The following NLRP12 variants were observed in gnomAD, a reference collection of about 807,000 sequenced individuals.
The protein encoded by NLRP12 is NLR family pyrin domain containing 12.
A neutral mutation model predicts 91.2 loss-of-function variants in NLRP12; 108 were observed. That is an observed-to-expected ratio of 1.18 (90% CI 1.01 to 1.39). The LOEUF (loss-of-function observed/expected upper bound fraction) is 1.39, where lower values mean the gene tolerates loss of function less well. NLRP12 is among the 40% of genes most tolerant of loss of function. NLRP12 has a pLI of 0.00. For missense variants in NLRP12, 1,530 were observed against 1,352.7 expected (o/e 1.13, Z -2.06); for synonymous variants, 613 against 566.7 (o/e 1.08, Z -1.16).
Position 53,807,478 on chromosome 19 carries a change from G to T in NLRP12, c.2243+17C>A, listed in dbSNP as rs1214030307. On this transcript the variant is annotated intron_variant, in intron 4 of 9. Coordinates refer to ENST00000324134, the MANE Select transcript of NLRP12 (RefSeq NM_144687.4). ...CGGTGGGGACCACCTGAAACGCCCAGACCAGCCTGCACTCACCTCAGGTTC... is the reference window on the plus strand; with the variant it reads ...CGGTGGGGACCACCTGAAACGCCCATACCAGCCTGCACTCACCTCAGGTTC... 2 of 1,611,848 alleles carry T rather than the reference G, an allele frequency of 1.2e-6. No homozygotes were observed. Among genetic ancestry groups the T allele is most frequent in the South Asian group, 2.2e-5 (2 of 90,696 alleles).
Position 53,810,285 on chromosome 19 carries a change from C to G in NLRP12, c.1374G>C (p.Gln458His). 1 of 1,614,058 alleles carries G rather than the reference C, an allele frequency of 6.2e-7. No individual in the cohort carries two copies. Among genetic ancestry groups the G allele is most frequent in the African/African-American group, 1.3e-5 (1 of 75,058 alleles). ...GAPRLQPPPN[Q>H]RGLCSLAADG... is the part of the protein sequence containing the mutation. ...CTGCCGCCAAGGAGCACAACCCTCTCTGGTTGGGTGGGGGCTGGAGGCGCG... is the reference window on the plus strand; with the variant it reads ...CTGCCGCCAAGGAGCACAACCCTCTGTGGTTGGGTGGGGGCTGGAGGCGCG... Residue 458 changes from glutamine (Q) to histidine (H), a missense_variant, in exon 3 of 10, where the codon CAG (glutamine) becomes CAC (histidine). Gln to His is a conservative substitution (Grantham distance 24). Transcript: ENST00000324134.
chr19:53,799,769 C>T (rs756291053), intron 7 of NLRP12, among the ~76,000 whole-genome samples: 3 of 152,092 alleles, frequency 2.0e-5, no homozygotes, highest in Non-Finnish European at 4.4e-5. Flanking sequence ...AGGTGTGAGC[C>T]ACCGCATCCT....
chr19:53,815,371 G>A (rs1224800765), intron 1 of NLRP12, among the ~76,000 whole-genome samples: 1 of 151,616 alleles, frequency 6.6e-6, no homozygotes, highest in African/African-American at 2.4e-5. Context: ...TGGCATTACA[G>A]GTGTGCGCCA....
At chr19:53,815,332 G>C (rs969711282) in intron 1 of NLRP12, among the ~76,000 whole-genome samples, 2 of 146,436 alleles carry the variant, frequency 1.4e-5, no homozygotes, top group African/African-American at 2.6e-5. Flanking sequence ...GAATTCAAGC[G>C]ATTCTCCTGC....
rs1339889709 is a variant in NLRP12 at position 53,811,299 on chromosome 19, G to A, written c.371-11C>T. ...AGGTTTCCTGGGGATCTAGGGGAGA[G>A]GAATGAAGGTTTTGTGGAAGACTCA... On this transcript the variant is annotated splice_polypyrimidine_tract_variant and intron_variant, in intron 2 of 9. Coordinates refer to ENST00000324134, the MANE Select transcript of NLRP12 (RefSeq NM_144687.4). 6.8e-6 allele frequency: 11 copies of A among 1,613,406 alleles called. No homozygotes were observed. The South Asian group carries it at 1.2e-4, about 18-fold the overall frequency.
intron 1 of NLRP12, among the ~76,000 whole-genome samples, chr19:53,818,882 A>G (rs78097396): frequency 0.038 from 5,750 of 152,122 alleles, 141 homozygotes; most frequent in South Asian, 0.097. Flanking sequence ...ACTCTTACGC[A>G]CAGTAACATG....
chr19:53,812,520 C>A (rs1415795053), intron 2 of NLRP12, among the ~76,000 whole-genome samples: 3 of 151,824 alleles, frequency 2.0e-5, no homozygotes, highest in African/African-American at 7.3e-5. Context: ...GTTGTTACAA[C>A]TGGGAAAGTA....
At chr19:53,817,410 C>T (rs566813801) in intron 1 of NLRP12, among the ~76,000 whole-genome samples, 25 of 148,286 alleles carry the variant, frequency 1.7e-4, no homozygotes, top group Non-Finnish European at 3.0e-4. Flanking sequence ...AGCCTGGTGA[C>T]GGAGCGAGAC....
At position 53,810,020 on chromosome 19, in the gene NLRP12, C is replaced by A; in HGVS notation, c.1639G>T (p.Glu547Ter). The change falls in exon 3 of 10, where the codon GAG becomes TAG. Residue 547 changes from glutamate (E) to a stop codon, truncating the protein, a stop_gained. Coordinates refer to ENST00000324134, the MANE Select transcript of NLRP12 (RefSeq NM_144687.4). LOFTEE classifies it high-confidence loss of function. ...AAGCTCCTTTCAGAAAACGCGTACT[C>A]GGTCAACAGCCTGGTCACGTCCTGG... ...PDQDVTRLLT[E>*]YAFSERSFLA... 1 of 1,614,128 alleles carries A rather than the reference C, an allele frequency of 6.2e-7. No individual in the cohort carries two copies. The highest frequency in any genetic ancestry group is 8.5e-7 in the Non-Finnish European group (1 of 1,180,032).
intron 8 of NLRP12, 62 bp downstream of exon 8, chr19:53,798,181 T>G: frequency 8.4e-6 from 13 of 1,546,434 alleles, no homozygotes; most frequent in South Asian, 2.2e-5. Flanking sequence ...AAATGAAGGA[T>G]GAGAAGGCGC....
At chr19:53,794,317 C>T (rs567033079) in intron 9 of NLRP12, among the ~76,000 whole-genome samples, 181 bp from the exon 10 acceptor site, 1 of 151,472 alleles carries the variant, frequency 6.6e-6, no homozygotes, top group Admixed American at 6.6e-5. Flanking sequence ...GCTGTGTTAA[C>T]TGCATAATTT....
chr19:53,815,270 C>T (rs1312059457), intron 1 of NLRP12, among the ~76,000 whole-genome samples: 2 of 134,296 alleles, frequency 1.5e-5, no homozygotes, highest in Non-Finnish European at 3.1e-5. Flanking sequence ...GCTCTGTTGC[C>T]CAGGCTGGAA....
At chr19:53,815,225 CTTT>C (rs59179749) in intron 1 of NLRP12, among the ~76,000 whole-genome samples, 9 of 96,992 alleles carry the variant, frequency 9.3e-5, no homozygotes, top group South Asian at 3.7e-4. Flanking sequence ...TCCAATCAGT[CTTT>C]TTTTTTTTTT....
In NLRP12 at chr19:53,809,719, T is replaced by G. The variant is rs1036585145; in HGVS notation, c.1940A>C (p.His647Pro). 1 of 1,614,032 alleles carries G rather than the reference T, an allele frequency of 6.2e-7. No homozygotes were observed. Among genetic ancestry groups the G allele is most frequent in the Non-Finnish European group, 8.5e-7 (1 of 1,180,038 alleles). ...CTTCAGACAGAACGAGGAGACCATG[T>G]GCTCCATCTTGGAGGCAATGTTGCT... ...VVSNIASKME[H>P]MVSSFCLKRC... The change falls in exon 3 of 10, where the codon CAC (histidine) becomes CCC (proline). Residue 647 changes from histidine to proline, a missense_variant. Coordinates refer to ENST00000324134, the MANE Select transcript of NLRP12 (RefSeq NM_144687.4).
At chr19:53,816,026 C>T (rs1311514281) in intron 1 of NLRP12, among the ~76,000 whole-genome samples, 2 of 151,420 alleles carry the variant, frequency 1.3e-5, no homozygotes, top group African/African-American at 2.4e-5. Context: ...TCGACCTTGG[C>T]CTCTTGAAGT....
At chr19:53,823,683 G>A (rs938636419) in intron 1 of NLRP12, among the ~76,000 whole-genome samples, 1 of 151,194 alleles carries the variant, frequency 6.6e-6, no homozygotes, top group Non-Finnish European at 1.5e-5. Context: ...TGAGAAGCTG[G>A]GATCACAGAC....
chr19:53,798,660 G>C (rs983785094), intron 7 of NLRP12, among the ~76,000 whole-genome samples: 1 of 152,190 alleles, frequency 6.6e-6, no homozygotes, highest in Non-Finnish European at 1.5e-5. Context: ...CCAGCATCTT[G>C]GGAGGCTTGA....
At chr19:53,799,945 C>T (rs1436368120) in intron 7 of NLRP12, among the ~76,000 whole-genome samples, 4 of 152,010 alleles carry the variant, frequency 2.6e-5, no homozygotes, top group Non-Finnish European at 5.9e-5. Context: ...CAGAGGATCT[C>T]CTAAGGCCAG....
chr19:53,824,169 T>C lies in NLRP12; in HGVS notation c.6A>G (p.Leu2=), dbSNP rs2122814296. 1 of 1,613,974 alleles carries C rather than the reference T, an allele frequency of 6.2e-7. No homozygotes were observed. The highest frequency in any genetic ancestry group is 1.1e-5 in the South Asian group (1 of 91,086). M[L]RTAGRDGLCR... ...AGAGGCCGTCCCTGCCTGCGGTTCG[T>C]AGCATGGGGGTGCCGTGAGCCCCAA... The change falls in exon 1 of 10, where the codon CTA becomes CTG. Residue 2 remains leucine (L), a synonymous_variant. Coordinates refer to ENST00000324134, the MANE Select transcript of NLRP12 (RefSeq NM_144687.4).
Sources: allele counts gnomAD v4.1 joint callset (sites outside exome capture counted in the v4.1 genomes callset), GRCh38; gene constraint gnomAD v4.1.1; transcripts MANE v1.5; gene names NCBI Gene and HGNC (gene_info 2026-07-23, HGNC 2026-07-21).